PRKAR1A: variants seen among roughly 807,000 people sequenced by gnomAD.
The protein encoded by PRKAR1A is protein kinase cAMP-dependent type I regulatory subunit alpha.
PRKAR1A carries 3 observed loss-of-function variants against 52.0 expected under a neutral mutation model. That is an observed-to-expected ratio of 0.06 (90% CI 0.03 to 0.15). PRKAR1A has a LOEUF of 0.15. PRKAR1A is among the 10% of genes least tolerant of loss of function. The probability of loss-of-function intolerance (pLI) is 1.00; values close to 1 mark genes in which losing one functional copy is unlikely to be tolerated. For missense variants in PRKAR1A, 240 were observed against 477.4 expected (o/e 0.50, Z 4.63); for synonymous variants, 188 against 168.4 (o/e 1.12, Z -0.90).
chr17:68,421,615 T>G, the PRKAR1A span: 2 of 969,692 alleles, frequency 2.1e-6, no homozygotes, highest in Non-Finnish European at 3.2e-6. Flanking sequence ...GGAAGCTTGG[T>G]GAGGAGTTAA....
At chr17:68,473,464 T>C in the PRKAR1A span, among the ~76,000 whole-genome samples, 1 of 152,216 alleles carries the variant, frequency 6.6e-6, no homozygotes, top group Non-Finnish European at 1.5e-5. Context: ...CTGATCTAGC[T>C]ACAGATCTAT....
At chr17:68,539,828 T>C in intron 11 of PRKAR1A, 1 of 1,557,246 alleles carries the variant, frequency 6.4e-7, no homozygotes, top group Non-Finnish European at 8.8e-7. Context: ...AGCAGCTGGC[T>C]GCACAGAGCA....
At chr17:68,493,625 G>A in the PRKAR1A span, 1 of 144,208 alleles carries the variant, frequency 6.9e-6, no homozygotes, top group Admixed American at 7.0e-5. Flanking sequence ...ACAGAGTCTT[G>A]CTCTGTTACC....
the PRKAR1A span, among the ~76,000 whole-genome samples, chr17:68,475,509 G>T: frequency 6.6e-6 from 1 of 152,174 alleles, no homozygotes; most frequent in Non-Finnish European, 1.5e-5. Context: ...TGTTGCCCAG[G>T]TTGGAGTGCA....
At chr17:68,497,837 C>T in the PRKAR1A span, among the ~76,000 whole-genome samples, 1 of 152,070 alleles carries the variant, frequency 6.6e-6, no homozygotes, top group African/African-American at 2.4e-5. Context: ...AGACAAGACA[C>T]ATAGACATTG....
At chr17:68,424,833 C>T in the PRKAR1A span, among the ~76,000 whole-genome samples, 1 of 152,200 alleles carries the variant, frequency 6.6e-6, no homozygotes. Context: ...GCCGAGATCA[C>T]ACCACTGCAC....
chr17:68,439,574 T>C, the PRKAR1A span, among the ~76,000 whole-genome samples: 1 of 152,186 alleles, frequency 6.6e-6, no homozygotes, highest in Non-Finnish European at 1.5e-5. Context: ...TCCGTGAATA[T>C]ACCAAAAGCT....
At chr17:68,550,369 CTTTTTTTTTTT>C (rs747654899) in intron 11 of PRKAR1A, among the ~76,000 whole-genome samples, 3 of 79,390 alleles carry the variant, frequency 3.8e-5, no homozygotes, top group African/African-American at 5.3e-5. Flanking sequence ...AATGGGGGAA[CTTTTTTTTTTT>C]TTTTTTTTTT....
the PRKAR1A span, chr17:68,421,852 T>G: frequency 1.9e-6 from 3 of 1,613,994 alleles, no homozygotes; most frequent in South Asian, 3.3e-5. Context: ...GGCCTTACTC[T>G]TCTCAGGAAG....
chr17:68,543,691 G>A, intron 11 of PRKAR1A: 1 of 1,614,160 alleles, frequency 6.2e-7, no homozygotes. Context: ...AGTAGAAGAA[G>A]TCCACTGGTG....
chr17:68,430,628 TTTGA>T, the PRKAR1A span, among the ~76,000 whole-genome samples: 2 of 152,128 alleles, frequency 1.3e-5, no homozygotes, highest in African/African-American at 2.4e-5. Context: ...TTGGGTGGTG[TTTGA>T]TTGTAGATAA....
the PRKAR1A span, among the ~76,000 whole-genome samples, chr17:68,433,759 A>ATTT: frequency 2.3e-5 from 2 of 87,082 alleles, no homozygotes; most frequent in African/African-American, 5.1e-5. Context: ...AAAGGGTCAT[A>ATTT]GTTTTTTTTT....
At chr17:68,540,498 G>A (rs1434470743) in intron 11 of PRKAR1A, 3 of 474,576 alleles carry the variant, frequency 6.3e-6, no homozygotes, top group Non-Finnish European at 1.3e-5. Flanking sequence ...CCGTGGCCTC[G>A]CCTGAGGCCC....
At chr17:68,424,646 C>CTG in the PRKAR1A span, 1 of 388,142 alleles carries the variant, frequency 2.6e-6, no homozygotes. Context: ...GAGGCCGAGA[C>CTG]GAGTGGATCA....
At chr17:68,450,681 C>A in the PRKAR1A span, 8 of 1,551,944 alleles carry the variant, frequency 5.2e-6, no homozygotes, top group African/African-American at 1.1e-4. Context: ...TTTTGTTTGG[C>A]TCCCGTTAGC....
In PRKAR1A at chr17:68,532,860, G is replaced by C. The variant is rs527670434; in HGVS notation, c.*2411G>C. 1 of 1,066,366 alleles carries C rather than the reference G, an allele frequency of 9.4e-7. No individual in the cohort carries two copies. Among genetic ancestry groups the C allele is most frequent in the South Asian group, 4.5e-5 (1 of 21,986 alleles). The allele number at this position is 1,066,366 out of a possible 1,614,324, so 66.1% of individuals were successfully genotyped here. A position where few individuals can be genotyped will look rare whatever the true frequency, so the allele number is the denominator to read the frequency against. On this transcript the variant is annotated 3_prime_UTR_variant, in exon 11 of 11. Transcript: ENST00000589228. ...ACTCGGGTGGGCAAAAATGAAAAGG[G>C]GGAAAGTGAATTATGGGATCGGTGT...
the PRKAR1A span, chr17:68,427,179 G>A: frequency 2.5e-5 from 40 of 1,614,006 alleles, no homozygotes; most frequent in East Asian, 1.1e-4. Flanking sequence ...GGCTACGGTC[G>A]CTGCATAAGA....
chr17:68,461,494 C>T, the PRKAR1A span, among the ~76,000 whole-genome samples: 1 of 152,160 alleles, frequency 6.6e-6, no homozygotes, highest in Non-Finnish European at 1.5e-5. The surrounding 1 kb of genome is among the most constrained non-coding windows in gnomAD (Gnocchi z 4.6). Flanking sequence ...CCCATATGGT[C>T]ATTCATGGCA....
rs1008285897 is a variant in PRKAR1A, at chr17:68,532,425, C to G, written c.*1976C>G. 4 of 1,060,192 alleles carry G rather than the reference C, an allele frequency of 3.8e-6. No individual in the cohort carries two copies. Among genetic ancestry groups the G allele is most frequent in the African/African-American group, 3.3e-5 (2 of 60,906 alleles). The allele number at this position is 1,060,192 out of a possible 1,614,324, so 65.7% of individuals were successfully genotyped here. A position where few individuals can be genotyped will look rare whatever the true frequency, so the allele number is the denominator to read the frequency against. On this transcript the variant is annotated 3_prime_UTR_variant, in exon 11 of 11. Transcript: ENST00000589228. ...TAAATCATTTGGCTTGCTGTTTACT[C>G]CCTTCTGTAGTTTTTAATTAAAAAC...
Sources: gnomAD v4.1 joint callset for allele counts (sites outside exome capture counted in the v4.1 genomes callset) on GRCh38, gnomAD v4.1.1 for gene constraint, Gnocchi (gnomAD v3.1) non-coding constraint, MANE v1.5 for transcripts, NCBI Gene and HGNC (gene_info 2026-07-23, HGNC 2026-07-21) for gene names.